Variants in SLC25A21 observed in about 807,000 individuals in gnomAD.
SLC25A21 encodes solute carrier family 25 member 21.
SLC25A21 carries 47 observed loss-of-function variants against 43.8 expected under a neutral mutation model. The ratio of observed to expected loss-of-function variants is 1.07; its 90% CI spans 0.85 to 1.37. SLC25A21 has a LOEUF of 1.37. SLC25A21 is among the 40% of genes most tolerant of loss of function. The pLI is 0.00. For missense variants in SLC25A21, 352 were observed against 350.2 expected (o/e 1.00, Z -0.04); for synonymous variants, 131 against 121.3 (o/e 1.08, Z -0.52).
At chr14:37,054,467 A>C (rs1157271714) in intron 1 of SLC25A21, among the ~76,000 whole-genome samples, 2 of 152,220 alleles carry the variant, frequency 1.3e-5, no homozygotes, top group Non-Finnish European at 2.9e-5. Flanking sequence ...AGAAAGCCAG[A>C]ACAAATTTTT....
intron 1 of SLC25A21, among the ~76,000 whole-genome samples, chr14:37,006,570 GA>G (rs1266906176): frequency 3.3e-5 from 5 of 151,306 alleles, no homozygotes; most frequent in East Asian, 1.9e-4. Context: ...CTAGCTGGGG[GA>G]AAAAAAAGGA....
rs767538923 is a variant in SLC25A21, at chr14:36,875,091, G to C, written c.71-87C>G. ...ATCCCGTCGATTTCTCGAGTGTGAG[G>C]GTTCAGATAAAGAACTTGGGACTTC... On this transcript the variant is annotated intron_variant, in intron 1 of 9. Coordinates refer to ENST00000331299, the MANE Select transcript of SLC25A21 (RefSeq NM_030631.4). 7.3e-6 allele frequency: 8 copies of C among 1,090,000 alleles called. No individual in the cohort carries two copies. The East Asian group carries it at 9.9e-5, about 14-fold the overall frequency. The allele number at this position is 1,090,000 out of a possible 1,614,324, so 67.5% of individuals were successfully genotyped here.
At chr14:36,798,401 T>A (rs535568542) in intron 3 of SLC25A21, among the ~76,000 whole-genome samples, 1 of 152,296 alleles carries the variant, frequency 6.6e-6, no homozygotes, top group Admixed American at 6.5e-5. Context: ...AATGCAAATG[T>A]ATTTTCCAAC....
At chr14:36,836,354 T>C (rs1023713656) in intron 2 of SLC25A21, among the ~76,000 whole-genome samples, 4 of 152,208 alleles carry the variant, frequency 2.6e-5, no homozygotes, top group African/African-American at 9.7e-5. Flanking sequence ...AAAATATAGT[T>C]TTCTTATGAT....
At chr14:36,870,323 A>G (rs1249528150) in intron 2 of SLC25A21, among the ~76,000 whole-genome samples, 1 of 152,230 alleles carries the variant, frequency 6.6e-6, no homozygotes, top group African/African-American at 2.4e-5. Flanking sequence ...TCAGAAGTCC[A>G]GAAGTCCAAA....
intron 3 of SLC25A21, among the ~76,000 whole-genome samples, chr14:36,808,128 A>C (rs969430728): frequency 1.3e-5 from 2 of 152,214 alleles, no homozygotes; most frequent in African/African-American, 4.8e-5. Flanking sequence ...TTTCTGAAGA[A>C]TACCATATTT....
chr14:36,927,660 T>C (rs1017595945), intron 1 of SLC25A21, among the ~76,000 whole-genome samples: 1 of 152,184 alleles, frequency 6.6e-6, no homozygotes, highest in Non-Finnish European at 1.5e-5. Context: ...GCAACTCTAC[T>C]AATGTGGAGA....
chr14:37,149,356 C>A (rs1313457482), intron 1 of SLC25A21, among the ~76,000 whole-genome samples: 13 of 152,040 alleles, frequency 8.6e-5, no homozygotes, highest in Non-Finnish European at 7.4e-5. Context: ...CTCTGTAAAA[C>A]AAAGTTGCTT....
chr14:36,890,974 C>A (rs917853673), intron 1 of SLC25A21, among the ~76,000 whole-genome samples: 2 of 152,148 alleles, frequency 1.3e-5, no homozygotes, highest in Non-Finnish European at 2.9e-5. Context: ...AGACGGGTTA[C>A]TTTTCTAAGA....
chr14:37,130,416 A>T (rs533625767), intron 1 of SLC25A21, among the ~76,000 whole-genome samples: 3 of 152,350 alleles, frequency 2.0e-5, no homozygotes, highest in Admixed American at 1.3e-4. Flanking sequence ...TACATCCTTG[A>T]AGATAGCTGC....
At chr14:37,096,167 G>GA (rs1361660092) in intron 1 of SLC25A21, among the ~76,000 whole-genome samples, 2 of 151,946 alleles carry the variant, frequency 1.3e-5, no homozygotes, top group Non-Finnish European at 2.9e-5. Context: ...GTACAGAGAG[G>GA]AAAAAAATAC....
At position 36,677,953 on chromosome 14, in the gene SLC25A21, G is replaced by A. The variant is rs1168672341; in HGVS notation, c.*2705C>T. 1 of 152,908 alleles carries A rather than the reference G, an allele frequency of 6.5e-6. No homozygotes were observed. The highest frequency in any genetic ancestry group is 1.5e-5 in the Non-Finnish European group (1 of 68,530). 9.5% of individuals were successfully genotyped at this position (152,908 alleles called of 1,614,324 possible). ...ACAGTTTTTAATCCCTTCTGTTTAG[G>A]AAGTTCTTCCTGTTTGGCAATATAG... On this transcript the variant is annotated 3_prime_UTR_variant, in exon 10 of 10. Transcript: ENST00000331299.
intron 1 of SLC25A21, among the ~76,000 whole-genome samples, chr14:36,945,540 A>G (rs1301717206): frequency 1.3e-5 from 2 of 152,204 alleles, no homozygotes; most frequent in Non-Finnish European, 2.9e-5. Context: ...CTTAAAAAGG[A>G]AGGACATTCT....
chr14:36,835,393 A>AT (rs1889175557), intron 2 of SLC25A21, among the ~76,000 whole-genome samples: 1 of 152,190 alleles, frequency 6.6e-6, no homozygotes, highest in Non-Finnish European at 1.5e-5. Context: ...AGGACACGAG[A>AT]TAAGATCTTC....
chr14:37,048,627 A>G (rs1961639652), intron 1 of SLC25A21, among the ~76,000 whole-genome samples: 1 of 152,178 alleles, frequency 6.6e-6, no homozygotes, highest in African/African-American at 2.4e-5. Context: ...AGGAGCCTAT[A>G]TTATAAATCT....
intron 1 of SLC25A21, among the ~76,000 whole-genome samples, chr14:36,971,988 C>T (rs941983207): frequency 6.6e-6 from 1 of 152,082 alleles, no homozygotes; most frequent in Non-Finnish European, 1.5e-5. Flanking sequence ...TATACACACA[C>T]ATATATACAG....
At chr14:37,157,108 G>A in intron 1 of SLC25A21, among the ~76,000 whole-genome samples, 1 of 152,140 alleles carries the variant, frequency 6.6e-6, no homozygotes, top group East Asian at 1.9e-4. Context: ...TGTAATCCCA[G>A]CACTTTGGGA....
intron 3 of SLC25A21, among the ~76,000 whole-genome samples, chr14:36,802,485 A>G (rs1340319533): frequency 1.3e-5 from 2 of 152,208 alleles, no homozygotes; most frequent in African/African-American, 4.8e-5. Context: ...TAGCAACACA[A>G]TAAAATAAGT....
intron 1 of SLC25A21, among the ~76,000 whole-genome samples, chr14:37,109,471 A>C (rs954175855): frequency 2.6e-5 from 4 of 152,176 alleles, no homozygotes; most frequent in African/African-American, 4.8e-5. Flanking sequence ...CATTTATGTA[A>C]TTTCTTTTTT....
Sources: allele counts gnomAD v4.1 joint callset (sites outside exome capture counted in the v4.1 genomes callset), GRCh38; gene constraint gnomAD v4.1.1; transcripts MANE v1.5; gene names NCBI Gene and HGNC (gene_info 2026-07-23, HGNC 2026-07-21).